The following DOCK2 variants were observed in gnomAD, a reference collection of about 807,000 sequenced individuals.
DOCK2 encodes dedicator of cytokinesis protein 2.
Under a neutral mutation model 248.9 loss-of-function variants are expected in DOCK2, and 87 were observed. The observed-to-expected ratio is 0.35, with a 90% CI of 0.29 to 0.42. The LOEUF is 0.42. DOCK2 is among the 10% of genes least tolerant of loss of function. DOCK2 has a pLI of 1.00. For missense variants in DOCK2, 1,747 were observed against 2,300.2 expected, an observed-to-expected ratio of 0.76 and a Z score of 4.92; for synonymous variants, 805 against 821.6, an observed-to-expected ratio of 0.98 and a Z score of 0.35.
intron 36 of DOCK2, among the ~76,000 whole-genome samples, chr5:170,039,489 G>A (rs1756441086): frequency 6.6e-6 from 1 of 152,188 alleles, no homozygotes; most frequent in African/African-American, 2.4e-5. Flanking sequence ...GTTATAGCCT[G>A]GATGCCCGGT....
intron 27 of DOCK2, among the ~76,000 whole-genome samples, chr5:169,849,370 C>T (rs780708711): frequency 1.3e-5 from 2 of 152,208 alleles, no homozygotes; most frequent in Non-Finnish European, 2.9e-5. Context: ...CCAGGGAGTA[C>T]TGTTTTGGAG....
chr5:169,727,038 A>G (rs112205424), intron 22 of DOCK2, among the ~76,000 whole-genome samples: 6,169 of 151,460 alleles, frequency 0.041, 158 homozygotes, highest in African/African-American at 0.075. Context: ...ACTGCACTCC[A>G]GTCTGAGTGA....
At chr5:169,987,963 G>A (rs923174550) in intron 29 of DOCK2, among the ~76,000 whole-genome samples, 2 of 152,102 alleles carry the variant, frequency 1.3e-5, no homozygotes, top group South Asian at 4.1e-4. Context: ...GGGGATAATG[G>A]TAGTTTCTAT....
intron 22 of DOCK2, among the ~76,000 whole-genome samples, chr5:169,720,495 C>T (rs67440149): frequency 0.32 from 49,108 of 151,366 alleles, 9,198 homozygotes; most frequent in East Asian, 0.6. Flanking sequence ...TTTTTCCTTC[C>T]ATTTTCAAGG....
intron 27 of DOCK2, among the ~76,000 whole-genome samples, chr5:169,849,361 C>T (rs1770495652): frequency 6.6e-6 from 1 of 152,166 alleles, no homozygotes; most frequent in African/African-American, 2.4e-5. Context: ...GATCTGAACC[C>T]AGGGAGTACT....
intron 2 of DOCK2, 121 bp from the exon 3 acceptor site, chr5:169,669,167 C>G (rs896786933): frequency 1.7e-6 from 2 of 1,199,098 alleles, no homozygotes; most frequent in Non-Finnish European, 1.2e-6. Context: ...GATCTGTACC[C>G]AAGGTCTAAA....
At chr5:169,778,500 A>T (rs1297850147) in intron 25 of DOCK2, among the ~76,000 whole-genome samples, 1 of 152,210 alleles carries the variant, frequency 6.6e-6, no homozygotes, top group Non-Finnish European at 1.5e-5. Flanking sequence ...TTGTAGGCAC[A>T]AAAGTCAGGA....
At chr5:169,901,241 A>G (rs1443456396) in intron 27 of DOCK2, among the ~76,000 whole-genome samples, 4 of 152,198 alleles carry the variant, frequency 2.6e-5, no homozygotes, top group Non-Finnish European at 4.4e-5. Context: ...CTCTGATGCA[A>G]GAAAGGTATT....
In DOCK2 at chr5:169,937,011, TGGA is replaced by T. The variant is rs540534486; in HGVS notation, c.2800-46052_2800-46050del. ...TGCAAAAATGGTAGCTTGAACACTG[TGGA>T]GGAGAGGCTGGGTATTTGGTGAGGA... is the stretch of plus-strand genomic sequence containing the variant. On this transcript the variant is annotated intron_variant, in intron 27 of 51. Coordinates refer to ENST00000520908, the MANE Select transcript of DOCK2 (RefSeq NM_004946.3). Among the ~76,000 whole-genome samples, 1,030 of 152,314 alleles carry T rather than the reference TGGA, an allele frequency of 6.8e-3. 4 individuals carry two copies. Among genetic ancestry groups the T allele is most frequent in the Non-Finnish European group, 0.012 (790 of 68,010 alleles).
intron 14 of DOCK2, among the ~76,000 whole-genome samples, chr5:169,707,889 C>G (rs1761363391): frequency 6.6e-6 from 1 of 152,212 alleles, no homozygotes; most frequent in South Asian, 2.1e-4. Context: ...TTGTCACTTA[C>G]AGTAAGGCAG....
chr5:169,980,022 C>CT (rs35053556), intron 27 of DOCK2, among the ~76,000 whole-genome samples: 2 of 152,028 alleles, frequency 1.3e-5, no homozygotes, highest in African/African-American at 2.4e-5. Context: ...TTTTTCTTTG[C>CT]TTTTTTTCCC....
chr5:169,756,551 C>G (rs985332053), intron 23 of DOCK2, among the ~76,000 whole-genome samples: 1 of 152,088 alleles, frequency 6.6e-6, no homozygotes, highest in Non-Finnish European at 1.5e-5. Flanking sequence ...TAGGCTCATG[C>G]GGTGCTGGGT....
chr5:169,757,100 A>G (rs187412051), intron 23 of DOCK2, among the ~76,000 whole-genome samples: 1 of 152,220 alleles, frequency 6.6e-6, no homozygotes, highest in East Asian at 1.9e-4. Context: ...AAGTGTTAAA[A>G]CAATTGATAG....
chr5:170,000,563 A>G (rs760661273), intron 30 of DOCK2: 2 of 152,130 alleles, frequency 1.3e-5, no homozygotes, highest in African/African-American at 4.8e-5. Context: ...TGCCCTTTCT[A>G]GTTCTTACTG....
chr5:169,756,601 T>C (rs1764207572), intron 23 of DOCK2, among the ~76,000 whole-genome samples: 1 of 152,056 alleles, frequency 6.6e-6, no homozygotes, highest in Admixed American at 6.5e-5. Context: ...TTCTTTGGCC[T>C]AAGAGTGGAT....
At chr5:169,750,194 A>G (rs1763824786) in intron 23 of DOCK2, among the ~76,000 whole-genome samples, 1 of 152,236 alleles carries the variant, frequency 6.6e-6, no homozygotes, top group African/African-American at 2.4e-5. Flanking sequence ...GGAAGAGGGA[A>G]TAGGTAATTT....
intron 27 of DOCK2, among the ~76,000 whole-genome samples, chr5:169,904,633 C>G (rs766940953): frequency 2.6e-5 from 4 of 152,172 alleles, no homozygotes; most frequent in Non-Finnish European, 5.9e-5. Context: ...AGCCTCTCCC[C>G]CTAGTGAGGG....
chr5:169,755,329 A>G (rs1033057499), intron 23 of DOCK2, among the ~76,000 whole-genome samples: 1 of 152,234 alleles, frequency 6.6e-6, no homozygotes, highest in African/African-American at 2.4e-5. Context: ...TTATGTGTAT[A>G]GGTATATATA....
In DOCK2 at chr5:169,978,776, C is replaced by A. The variant is rs1453095088; in HGVS notation, c.2800-4292C>A. 6.6e-5 allele frequency among the ~76,000 whole-genome samples: 10 copies of A among 152,120 alleles called. No individual in the cohort carries two copies. In the East Asian group the frequency reaches 1.9e-3, roughly 29 times the overall value. On this transcript the variant is annotated intron_variant, in intron 27 of 51. Transcript: ENST00000520908. ...GGTTCTGTACAGCAAATAAGCCCTG[C>A]CACTCAAGGTGTTAAGTAGTCCCTC... is the stretch of plus-strand genomic sequence containing the variant.
Sources: allele counts gnomAD v4.1 joint callset (sites outside exome capture counted in the v4.1 genomes callset), GRCh38; gene constraint gnomAD v4.1.1; transcripts MANE v1.5; gene names NCBI Gene and HGNC (gene_info 2026-07-23, HGNC 2026-07-21).